SIPA1L1: variants seen among roughly 807,000 people sequenced by gnomAD.
SIPA1L1 encodes the protein signal-induced proliferation-associated 1-like protein 1.
A neutral mutation model predicts 162.7 loss-of-function variants in SIPA1L1; 26 were observed. The ratio of observed to expected loss-of-function variants is 0.16; its 90% confidence interval spans 0.12 to 0.22. The LOEUF (loss-of-function observed/expected upper bound fraction) is 0.22, where lower values mean the gene tolerates loss of function less well. Among genes scored for constraint, SIPA1L1 ranks in the 10% least tolerant of loss-of-function variants. SIPA1L1 has a pLI of 1.00. For synonymous variants in SIPA1L1, 829 were observed against 837.4 expected (o/e 0.99, Z 0.17); for missense variants, 1,874 against 2,241.0 (o/e 0.84, Z 3.31).
intron 2 of SIPA1L1, among the ~76,000 whole-genome samples, chr14:71,422,036 A>T (rs1008098821): frequency 6.6e-6 from 1 of 152,224 alleles, no homozygotes; most frequent in Admixed American, 6.5e-5. Flanking sequence ...GTTAAAATGG[A>T]GTATGACGTT....
intron 9 of SIPA1L1, 25 bp from the exon 10 acceptor site, chr14:71,661,285 G>A (rs2043487281): frequency 6.2e-7 from 1 of 1,608,868 alleles, no homozygotes; most frequent in Admixed American, 1.7e-5. Flanking sequence ...TGTTATTTAT[G>A]TTGGTTGCTT....
At chr14:71,339,366 CT>C (rs56755864) in intron 2 of SIPA1L1, among the ~76,000 whole-genome samples, 81,705 of 141,976 alleles carry the variant, frequency 0.58, 23,459 homozygotes, top group East Asian at 0.76. Flanking sequence ...TTCTTTCTTT[CT>C]TTTTTTTTTT....
chr14:71,486,096 C>T (rs909599916), intron 2 of SIPA1L1, among the ~76,000 whole-genome samples: 1 of 152,166 alleles, frequency 6.6e-6, no homozygotes, highest in African/African-American at 2.4e-5. Flanking sequence ...CATAATCATA[C>T]GGATGTGCGA....
intron 2 of SIPA1L1, among the ~76,000 whole-genome samples, chr14:71,323,513 A>T (rs565232179): frequency 6.6e-6 from 1 of 152,198 alleles, no homozygotes; most frequent in Admixed American, 6.5e-5. Flanking sequence ...TATCCTGAAG[A>T]TTTTTTGTTG....
chr14:71,657,465 C>G (rs781504981), intron 8 of SIPA1L1, among the ~76,000 whole-genome samples: 3 of 151,934 alleles, frequency 2.0e-5, no homozygotes, highest in Non-Finnish European at 4.4e-5. Context: ...CAGGTATTCC[C>G]TTTGAGTTGG....
intron 4 of SIPA1L1, among the ~76,000 whole-genome samples, chr14:71,583,978 T>C (rs567795920): frequency 6.6e-6 from 1 of 152,324 alleles, no homozygotes; most frequent in African/African-American, 2.4e-5. Context: ...AACACTCTGC[T>C]TTCCACAGTG....
chr14:71,484,897 C>G (rs1238034722), intron 2 of SIPA1L1, among the ~76,000 whole-genome samples: 3 of 152,130 alleles, frequency 2.0e-5, no homozygotes, highest in African/African-American at 7.2e-5. Flanking sequence ...TAAACAAAAC[C>G]TATGCTTAGA....
At chr14:71,738,053 CT>C (rs1241762428) in intron 22 of SIPA1L1, among the ~76,000 whole-genome samples, 187 bp from the exon 23 acceptor site, 1 of 151,034 alleles carries the variant, frequency 6.6e-6, no homozygotes, top group Admixed American at 6.6e-5. Context: ...CTTTTATTAC[CT>C]TTTTTTAAGA....
At chr14:71,338,210 G>A (rs2035293566) in intron 2 of SIPA1L1, among the ~76,000 whole-genome samples, 1 of 152,110 alleles carries the variant, frequency 6.6e-6, no homozygotes, top group Admixed American at 6.5e-5. Context: ...CACTTAAAGA[G>A]CCTAGCACTT....
intron 14 of SIPA1L1, among the ~76,000 whole-genome samples, chr14:71,701,308 C>G (rs1203941361): frequency 6.6e-6 from 1 of 152,022 alleles, no homozygotes; most frequent in East Asian, 1.9e-4. Context: ...TCAGTTCATC[C>G]AGGCCCATCT....
At chr14:71,455,456 A>G (rs2046122150) in intron 2 of SIPA1L1, among the ~76,000 whole-genome samples, 1 of 152,160 alleles carries the variant, frequency 6.6e-6, no homozygotes, top group Non-Finnish European at 1.5e-5. Flanking sequence ...TGATCACGAG[A>G]CAAAATTCCT....
intron 10 of SIPA1L1, among the ~76,000 whole-genome samples, chr14:71,661,998 C>A (rs2043562537): frequency 1.3e-5 from 2 of 152,162 alleles, no homozygotes; most frequent in African/African-American, 4.8e-5. Context: ...AGAATTCAGG[C>A]CTCTATCTGC....
At position 71,739,292 on chromosome 14, in the gene SIPA1L1, G is replaced by A; in HGVS notation, c.*131G>A. On this transcript the variant is annotated 3_prime_UTR_variant, in exon 24 of 24. Coordinates refer to ENST00000381232, the MANE Select transcript of SIPA1L1 (RefSeq NM_001386936.1). ...TTCCTACTCTGCCCCCTTTCGGGGA[G>A]TGCACAACACAATAGTTGCAGATCA... 1 of 728,734 alleles carries A rather than the reference G, an allele frequency of 1.4e-6. No individual in the cohort carries two copies. The highest frequency in any genetic ancestry group is 4.0e-5 in the South Asian group (1 of 24,968). 45.1% of individuals were successfully genotyped at this position (728,734 alleles called of 1,614,324 possible).
rs767002995 is a variant in SIPA1L1 at position 71,735,380 on chromosome 14, G to A, written c.5112G>A (p.Lys1704=). Residue 1704 remains lysine, a synonymous_variant, in exon 22 of 24, where the codon AAG becomes AAA. Transcript: ENST00000381232. The part of the protein sequence containing the change: ...QLEDQALAQM[K]PYSSSKDSSP... ...AGGACCAGGCTCTGGCCCAGATGAAGCCTTACAGCAGGTTGGTCCCAGTGC... is the reference window on the plus strand; with the variant it reads ...AGGACCAGGCTCTGGCCCAGATGAAACCTTACAGCAGGTTGGTCCCAGTGC... The A allele has an allele frequency of 6.2e-7, 1 of 1,612,896 alleles. No individual in the cohort carries two copies. Among genetic ancestry groups the A allele is most frequent in the East Asian group, 2.2e-5 (1 of 44,870 alleles).
intron 17 of SIPA1L1, among the ~76,000 whole-genome samples, chr14:71,715,716 C>T (rs558140439): frequency 6.6e-6 from 1 of 152,314 alleles, no homozygotes; most frequent in Non-Finnish European, 1.5e-5. Flanking sequence ...CCTGCCTTAA[C>T]AATTTTCTAG....
intron 2 of SIPA1L1, among the ~76,000 whole-genome samples, chr14:71,350,822 C>T (rs980526759): frequency 1.3e-5 from 2 of 152,060 alleles, no homozygotes; most frequent in Admixed American, 6.6e-5. Context: ...TTGATTTCAA[C>T]GGAATATTTA....
At chr14:71,708,409 C>CAACCTCCTGGGCT (rs2082635593) in intron 16 of SIPA1L1, among the ~76,000 whole-genome samples, 1 of 151,616 alleles carries the variant, frequency 6.6e-6, no homozygotes, top group East Asian at 1.9e-4. Context: ...ACTGTAGCCT[C>CAACCTCCTGGGCT]AACCTCCTGG....
intron 2 of SIPA1L1, among the ~76,000 whole-genome samples, chr14:71,392,467 C>T (rs1236755883): frequency 6.6e-6 from 1 of 152,200 alleles, no homozygotes; most frequent in African/African-American, 2.4e-5. Context: ...AAGTTAACAT[C>T]TGTAGAGTTT....
chr14:71,657,521 AC>A, intron 8 of SIPA1L1, among the ~76,000 whole-genome samples: 1 of 152,044 alleles, frequency 6.6e-6, no homozygotes, highest in East Asian at 1.9e-4. Flanking sequence ...TTGTGGGAAC[AC>A]TGATTCTGAA....
Sources: gnomAD v4.1 joint callset for allele counts (sites outside exome capture counted in the v4.1 genomes callset) on GRCh38, gnomAD v4.1.1 for gene constraint, MANE v1.5 for transcripts, NCBI Gene and HGNC (gene_info 2026-07-23, HGNC 2026-07-21) for gene names.